AP3D1: variants seen among roughly 807,000 people sequenced by gnomAD.
The protein encoded by AP3D1 is AP-3 complex subunit delta-1.
Under a neutral mutation model 147.6 loss-of-function variants are expected in AP3D1, and 51 were observed. The observed-to-expected ratio is 0.35, with a 90% CI of 0.28 to 0.44. AP3D1 has a LOEUF of 0.44. AP3D1 is among the 20% of genes least tolerant of loss of function. The probability of loss-of-function intolerance (pLI) is 1.00; values close to 1 mark genes in which losing one functional copy is unlikely to be tolerated. For synonymous variants in AP3D1, 760 were observed against 663.0 expected, an observed-to-expected ratio of 1.15 and a Z score of -2.25; for missense variants, 1,421 against 1,624.2, an observed-to-expected ratio of 0.87 and a Z score of 2.15.
intron 31 of AP3D1, among the ~76,000 whole-genome samples, chr19:2,103,895 C>T (rs1568270737): frequency 6.6e-6 from 1 of 151,808 alleles, no homozygotes; most frequent in Non-Finnish European, 1.5e-5. Context: ...GCAAGGCCGT[C>T]GGTAGACCCC....
intron 14 of AP3D1, among the ~76,000 whole-genome samples, chr19:2,119,590 C>T (rs912599626): frequency 6.7e-6 from 1 of 149,174 alleles, no homozygotes; most frequent in Non-Finnish European, 1.5e-5. Context: ...CAGCTACTTG[C>T]GAGGCTGAGG....
At chr19:2,155,582 C>T (rs1349100545), upstream of AP3D1, among the ~76,000 whole-genome samples, 5 of 151,430 alleles carry the variant, frequency 3.3e-5, no homozygotes, top group Non-Finnish European at 7.4e-5. Context: ...ACTCCCTGCC[C>T]GCTTCTCTGC....
chr19:2,139,587 C>T (rs954439146), intron 1 of AP3D1, among the ~76,000 whole-genome samples: 2 of 152,202 alleles, frequency 1.3e-5, no homozygotes, highest in Non-Finnish European at 2.9e-5. Context: ...CCATGCTGGC[C>T]CCAGAGACAA....
chr19:2,106,238 G>C (rs2018107883), intron 31 of AP3D1, among the ~76,000 whole-genome samples: 2 of 152,048 alleles, frequency 1.3e-5, no homozygotes, highest in African/African-American at 4.8e-5. Flanking sequence ...ATTACCACAG[G>C]ACCCAGCAAT....
intron 9 of AP3D1, among the ~76,000 whole-genome samples, chr19:2,126,278 T>C (rs2018752729): frequency 6.7e-6 from 1 of 149,456 alleles, no homozygotes; most frequent in African/African-American, 2.6e-5. Context: ...TTGGAGCAGC[T>C]TGGCAGAGAC....
chr19:2,137,622 C>T, intron 3 of AP3D1, 105 bp downstream of exon 3: 1 of 1,005,540 alleles, frequency 9.9e-7, no homozygotes, highest in Non-Finnish European at 1.5e-6. Flanking sequence ...GGTAACAGAG[C>T]TAGACTCTGT....
intron 16 of AP3D1, 101 bp downstream of exon 16, chr19:2,117,121 C>T: frequency 1.4e-6 from 2 of 1,430,934 alleles, no homozygotes; most frequent in Non-Finnish European, 1.9e-6. Context: ...GCCCCACACC[C>T]TCCTGGCTGT....
In AP3D1 at chr19:2,123,837, C is replaced by T. The variant is rs865902652; in HGVS notation, c.899G>A (p.Ser300Asn). The change falls in exon 10 of 32, where the codon AGC becomes AAC. Residue 300 changes from serine to asparagine, a missense_variant. Coordinates refer to ENST00000643116, the MANE Select transcript of AP3D1 (RefSeq NM_001261826.3). ...LSSGMPNHSA[S>N]IQLCVQKLRI... ...GCCCAGTGCGGGACGTACCTGGATG[C>T]TGGCGCTGTGGTTGGGCATGCCGGA... 1 of 1,575,240 alleles carries T rather than the reference C, an allele frequency of 6.3e-7. No homozygotes were observed. Among genetic ancestry groups the T allele is most frequent in the Non-Finnish European group, 8.6e-7 (1 of 1,160,644 alleles).
intron 26 of AP3D1, 81 bp from the exon 27 acceptor site, chr19:2,110,977 C>G (rs2018257826): frequency 6.9e-7 from 1 of 1,448,382 alleles, no homozygotes; most frequent in Non-Finnish European, 9.4e-7. Context: ...TTAATGACCA[C>G]AGAGGCAGCA....
chr19:2,164,200 G>C, intron 1 of AP3D1: 3 of 1,273,126 alleles, frequency 2.4e-6, no homozygotes, highest in Non-Finnish European at 3.0e-6. Context: ...GGAGAAGCTG[G>C]AGCTGAGACT....
At chr19:2,159,705 ATTT>A (rs913645590) in intron 1 of AP3D1, among the ~76,000 whole-genome samples, 1 of 80,600 alleles carries the variant, frequency 1.2e-5, no homozygotes, top group Admixed American at 1.3e-4. Flanking sequence ...TAATTTTTGT[ATTT>A]TTTTTTTTTT....
intron 1 of AP3D1, among the ~76,000 whole-genome samples, chr19:2,146,341 C>T (rs577582510): frequency 6.6e-6 from 1 of 152,298 alleles, no homozygotes; most frequent in South Asian, 2.1e-4. Context: ...CACTGGCTCA[C>T]GCCTGCCATC....
intron 1 of AP3D1, among the ~76,000 whole-genome samples, chr19:2,163,956 C>T (rs2019808516): frequency 6.7e-6 from 1 of 149,684 alleles, no homozygotes; most frequent in Non-Finnish European, 1.5e-5. Context: ...CACGCCGGCC[C>T]AAGATGGCGG....
At chr19:2,103,539 G>C (rs978671683) in intron 31 of AP3D1, among the ~76,000 whole-genome samples, 1 of 152,224 alleles carries the variant, frequency 6.6e-6, no homozygotes. Context: ...CGATCTGCTA[G>C]GCTCACTCCA....
chr19:2,149,192 G>A (rs1041260942), intron 1 of AP3D1, among the ~76,000 whole-genome samples: 14 of 152,054 alleles, frequency 9.2e-5, no homozygotes, highest in South Asian at 2.1e-4. Context: ...TCACCCACCC[G>A]CCAATGGCAG....
upstream of AP3D1, among the ~76,000 whole-genome samples, chr19:2,155,372 C>CA (rs1169442189): frequency 4.9e-5 from 7 of 142,196 alleles, no homozygotes; most frequent in East Asian, 6.3e-4. Flanking sequence ...AAAAAAAAAC[C>CA]AAAAAAAACA....
rs879514166 is a variant in AP3D1 at position 2,160,535 on chromosome 19, C to CA, written c.-103+3820dup. 1.5e-3 allele frequency among the ~76,000 whole-genome samples: 212 copies of CA among 142,718 alleles called. 1 individual carries two copies. The highest frequency in any genetic ancestry group is 5.5e-3 in the East Asian group (27 of 4,948). 93.6% of individuals were successfully genotyped at this position (142,718 alleles called of 152,430 possible). A position where few individuals can be genotyped will look rare whatever the true frequency, so the allele number is the denominator to read the frequency against. On this transcript the variant is annotated intron_variant, in intron 1 of 14. Transcript: ENST00000643010. ...ATGACAGAGCTAGACTCCTCCGTCT[C>CA]AAAAAAAAAAAAGTGGGCGGAGATA...
At chr19:2,138,844 G>A (rs968097266) in intron 1 of AP3D1, 130 bp from the exon 2 acceptor site, 9 of 636,400 alleles carry the variant, frequency 1.4e-5, no homozygotes, top group Admixed American at 8.8e-5. Flanking sequence ...GGCAGATCAC[G>A]AGGTCGGGAG....
chr19:2,135,347 C>T (rs1318465474), intron 4 of AP3D1, among the ~76,000 whole-genome samples: 1 of 152,150 alleles, frequency 6.6e-6, no homozygotes, highest in African/African-American at 2.4e-5. Context: ...ACCAGCCTGG[C>T]CAACATGGTG....
Sources: gnomAD v4.1 joint callset for allele counts (sites outside exome capture counted in the v4.1 genomes callset) on GRCh38, gnomAD v4.1.1 for gene constraint, MANE v1.5 for transcripts, NCBI Gene and HGNC (gene_info 2026-07-23, HGNC 2026-07-21) for gene names.